Variants in SUPT5H observed in about 807,000 individuals in gnomAD.
SUPT5H encodes transcription elongation factor SPT5.
A neutral mutation model predicts 142.5 loss-of-function variants in SUPT5H; 24 were observed. The observed-to-expected ratio is 0.17, with a 90% confidence interval of 0.12 to 0.24. The LOEUF is 0.24. Among genes scored for constraint, SUPT5H ranks in the 10% least tolerant of loss-of-function variants. SUPT5H has a pLI of 1.00. For missense variants in SUPT5H, 893 were observed against 1,471.8 expected (o/e 0.61, Z 6.43); for synonymous variants, 546 against 553.0 (o/e 0.99, Z 0.18).
chr19:39,471,616 G>A lies in SUPT5H; in HGVS notation c.1836G>A (p.Gly612=), dbSNP rs2079321822. Residue 612 remains glycine (G), a synonymous_variant, in exon 20 of 30, where the codon GGG becomes GGA. Transcript: ENST00000432763. ...CTCTCCCCGGCTAGGGCCGAGAAGG[G>A]GAGATTCGCCATCTCTTCCGAAGCT... The part of the protein sequence containing the change: ...VIDGPHSGRE[G]EIRHLFRSFA... 6.2e-7 allele frequency: 1 copy of A among 1,614,206 alleles called. No individual in the cohort carries two copies. Among genetic ancestry groups the A allele is most frequent in the Non-Finnish European group, 8.5e-7 (1 of 1,180,036 alleles).
intron 3 of SUPT5H, among the ~76,000 whole-genome samples, chr19:39,455,109 G>C (rs533135301): frequency 6.6e-6 from 1 of 152,300 alleles, no homozygotes; most frequent in Admixed American, 6.5e-5. Context: ...AGTCCTGTTC[G>C]CAGTTGCAAA....
chr19:39,446,685 C>T (rs2078958455), intron 2 of SUPT5H, among the ~76,000 whole-genome samples: 1 of 152,098 alleles, frequency 6.6e-6, no homozygotes, highest in Admixed American at 6.6e-5. Flanking sequence ...GGTAACACAA[C>T]GGGACCCTGT....
At chr19:39,457,385 A>C (rs914238376) in intron 3 of SUPT5H, among the ~76,000 whole-genome samples, 1 of 152,102 alleles carries the variant, frequency 6.6e-6, no homozygotes, top group African/African-American at 2.4e-5. Flanking sequence ...GTTGGGAGGG[A>C]ACTTTTCTTT....
chr19:39,471,570 A>G (rs765158209), intron 19 of SUPT5H, 35 bp from the exon 20 acceptor site: 6 of 1,613,960 alleles, frequency 3.7e-6, no homozygotes, highest in South Asian at 1.1e-5. Context: ...TGAGGGGGAC[A>G]TGGTCAAGAG....
At position 39,469,917 on chromosome 19, in the gene SUPT5H, AG is replaced by A. The variant is rs2079295761; in HGVS notation, c.1375-200del. ...GGGCGGGCTGGGGTAAAGGTTGTCC[AG>A]GTTGGTGTCCTGTGTCTGGGGTCAG... On this transcript the variant is annotated intron_variant, in intron 16 of 29. Transcript: ENST00000432763. The surrounding 1 kb of genome is among the most constrained non-coding windows in gnomAD (Gnocchi z 5.1). The A allele has an allele frequency of 1.6e-6, 1 of 617,490 alleles. No homozygotes were observed. The highest frequency in any genetic ancestry group is 3.3e-5 in the Admixed American group (1 of 30,576). 38.3% of individuals were successfully genotyped at this position (617,490 alleles called of 1,614,324 possible). A position where few individuals can be genotyped will look rare whatever the true frequency, so the allele number is the denominator to read the frequency against.
chr19:39,456,472 G>T (rs887219745), intron 3 of SUPT5H, among the ~76,000 whole-genome samples: 24 of 150,864 alleles, frequency 1.6e-4, no homozygotes, highest in Non-Finnish European at 3.4e-4. Context: ...AGGCTGGAGT[G>T]CAGTGGTGTG....
At position 39,472,316 on chromosome 19, in the gene SUPT5H, C is replaced by G; in HGVS notation, c.1951-93C>G. ...CCTGGGGTGTGGGTGGCTGGGTGGT[C>G]TCCTCAGGGCCCTGCACGTGGGATG... On this transcript the variant is annotated intron_variant, in intron 20 of 29. Coordinates refer to ENST00000432763, the MANE Select transcript of SUPT5H (RefSeq NM_001111020.3). The surrounding 1 kb of genome is among the most constrained non-coding windows in gnomAD (Gnocchi z 4.2). 7.2e-6 allele frequency: 9 copies of G among 1,249,260 alleles called. No individual in the cohort carries two copies. Among genetic ancestry groups the G allele is most frequent in the South Asian group, 2.6e-5 (2 of 78,206 alleles). 77.4% of individuals were successfully genotyped at this position (1,249,260 alleles called of 1,614,324 possible). A position where few individuals can be genotyped will look rare whatever the true frequency, so the allele number is the denominator to read the frequency against.
intron 2 of SUPT5H, among the ~76,000 whole-genome samples, chr19:39,447,450 C>CTTTTTTTT (rs59007555): frequency 2.3e-5 from 3 of 132,050 alleles, no homozygotes; most frequent in Admixed American, 7.8e-5. Flanking sequence ...TTGCCATTAT[C>CTTTTTTTT]TTTTTTTTTT....
At chr19:39,456,489 G>A (rs1024971126) in intron 3 of SUPT5H, among the ~76,000 whole-genome samples, 1 of 151,298 alleles carries the variant, frequency 6.6e-6, no homozygotes, top group Non-Finnish European at 1.5e-5. Flanking sequence ...TGTGATCTTG[G>A]CTCACTGCAA....
At position 39,458,792 on chromosome 19, in the gene SUPT5H, C is replaced by T. The variant is rs1447621263; in HGVS notation, c.320-26C>T. On this transcript the variant is annotated intron_variant, in intron 5 of 29. Transcript: ENST00000432763. This position sits in a 1 kb window ranked among gnomAD's most constrained non-coding sequence, Gnocchi z 4.2. ...CCCCTGCCCTCCACCTGCCCTTGCT[C>T]ACGCCCTCTGCCCATTATTTTTCAG... 9 of 1,596,482 alleles carry T rather than the reference C, an allele frequency of 5.6e-6. No individual in the cohort carries two copies. The South Asian group carries it at 6.8e-5, about 12-fold the overall frequency.
chr19:39,459,482 G>A (rs985352406), intron 8 of SUPT5H, 77 bp from the exon 9 acceptor site: 2 of 1,563,720 alleles, frequency 1.3e-6, no homozygotes, highest in East Asian at 2.2e-5. Flanking sequence ...AGAGGAAGGG[G>A]GTGGCCCTGG....
chr19:39,471,868 T>C, intron 20 of SUPT5H, 138 bp downstream of exon 20: 1 of 1,249,458 alleles, frequency 8.0e-7, no homozygotes, highest in Non-Finnish European at 1.1e-6. Context: ...TGGCAAAGAG[T>C]GAGAAGGTTT....
chr19:39,474,900 A>G lies in SUPT5H; in HGVS notation c.3024+182A>G. 5.9e-6 allele frequency: 4 copies of G among 672,890 alleles called. No homozygotes were observed. The South Asian group carries it at 7.7e-5, about 13-fold the overall frequency. 41.7% of individuals were successfully genotyped at this position (672,890 alleles called of 1,614,324 possible). On this transcript the variant is annotated intron_variant, in intron 28 of 29. Coordinates refer to ENST00000432763, the MANE Select transcript of SUPT5H (RefSeq NM_001111020.3). This position sits in a 1 kb window ranked among gnomAD's most constrained non-coding sequence, Gnocchi z 6.5. ...GGCATCTTACCTGATTTAGCGGGGAATCAGGGAGGGCTGCCTGGGGAAGGA... is the reference window on the plus strand; with the variant it reads ...GGCATCTTACCTGATTTAGCGGGGAGTCAGGGAGGGCTGCCTGGGGAAGGA...
intron 2 of SUPT5H, among the ~76,000 whole-genome samples, chr19:39,451,710 T>G (rs1216843476): frequency 6.6e-6 from 1 of 152,138 alleles, no homozygotes; most frequent in Non-Finnish European, 1.5e-5. Flanking sequence ...TTTTGTATTT[T>G]TAGTAAAGAC....
rs759997241 is a variant in SUPT5H, at chr19:39,470,505, A to T, written c.1659A>T (p.Leu553=). 6.4e-7 allele frequency: 1 copy of T among 1,573,486 alleles called. No homozygotes were observed. The highest frequency in any genetic ancestry group is 1.2e-5 in the South Asian group (1 of 84,644). The change falls in exon 18 of 30, where the codon CTA becomes CTT. Residue 553 remains leucine (L), a synonymous_variant. Coordinates refer to ENST00000432763, the MANE Select transcript of SUPT5H (RefSeq NM_001111020.3). This position sits in a 1 kb window ranked among gnomAD's most constrained non-coding sequence, Gnocchi z 5.8. ...AGACTGTGGGTGTCATCGTGCGACT[A>T]GAACGGGAGACCTTCCAGGTGTGTG... ...DPQTVGVIVR[L]ERETFQVLNM...
Position 39,458,252 on chromosome 19 carries a change from AC to A in SUPT5H, c.308-40del. 1.3e-6 allele frequency: 1 copy of A among 761,950 alleles called. No homozygotes were observed. Among genetic ancestry groups the A allele is most frequent in the East Asian group, 3.0e-5 (1 of 32,836 alleles). 47.2% of individuals were successfully genotyped at this position (761,950 alleles called of 1,614,324 possible). A position where few individuals can be genotyped will look rare whatever the true frequency, so the allele number is the denominator to read the frequency against. On this transcript the variant is annotated intron_variant, in intron 4 of 29. Coordinates refer to ENST00000432763, the MANE Select transcript of SUPT5H (RefSeq NM_001111020.3). This position sits in a 1 kb window ranked among gnomAD's most constrained non-coding sequence, Gnocchi z 4.2. ...CTCGCCCACCACCACCACCACCACC[AC>A]CACCACCACCACCACCACCACCTCC...
chr19:39,474,130 A>G lies in SUPT5H; in HGVS notation c.2651+9A>G. On this transcript the variant is annotated intron_variant, in intron 26 of 29. Coordinates refer to ENST00000432763, the MANE Select transcript of SUPT5H (RefSeq NM_001111020.3). This position sits in a 1 kb window ranked among gnomAD's most constrained non-coding sequence, Gnocchi z 6.5. ...CCAGGGACGCCGGCCATGTGAGTCCACTGGGGCCTGCCCTCGTCTACCCCT... is the reference window on the plus strand; with the variant it reads ...CCAGGGACGCCGGCCATGTGAGTCCGCTGGGGCCTGCCCTCGTCTACCCCT... 1 of 1,602,138 alleles carries G rather than the reference A, an allele frequency of 6.2e-7. No individual in the cohort carries two copies. The highest frequency in any genetic ancestry group is 8.5e-7 in the Non-Finnish European group (1 of 1,173,292).
chr19:39,456,542 C>T (rs966491358), intron 3 of SUPT5H, among the ~76,000 whole-genome samples: 33 of 151,868 alleles, frequency 2.2e-4, no homozygotes, highest in African/African-American at 7.5e-4. Context: ...CTCAGCCTCC[C>T]GAGTAGCTGG....
rs373020130 is a variant in SUPT5H, at chr19:39,469,248, G to T, written c.1238-14G>T. On this transcript the variant is annotated splice_polypyrimidine_tract_variant and intron_variant, in intron 15 of 29. Transcript: ENST00000432763. This position sits in a 1 kb window ranked among gnomAD's most constrained non-coding sequence, Gnocchi z 5.1. ...GTGGCAACCCCCGAGTCAGCCCTAC[G>T]ACTGCCCCTGCAGGGAAGGAGCGGG... 2.5e-5 allele frequency: 41 copies of T among 1,614,066 alleles called. No individual in the cohort carries two copies. In the African/African-American group the frequency reaches 4.4e-4, roughly 17 times the overall value.
Sources: gnomAD v4.1 joint callset for allele counts (sites outside exome capture counted in the v4.1 genomes callset) on GRCh38, gnomAD v4.1.1 for gene constraint, Gnocchi (gnomAD v3.1) non-coding constraint, MANE v1.5 for transcripts, NCBI Gene and HGNC (gene_info 2026-07-23, HGNC 2026-07-21) for gene names.